OR2G6: variants seen among roughly 807,000 people sequenced by gnomAD.
OR2G6 encodes olfactory receptor 2G6.
For synonymous variants in OR2G6, 183 were observed against 155.2 expected, an observed-to-expected ratio of 1.18 and a Z score of -1.33; for missense variants, 457 against 391.3, an observed-to-expected ratio of 1.17 and a Z score of -1.42.
chr1:248,526,602 G>C lies in OR2G6; in HGVS notation c.*4005G>C, dbSNP rs1443968675. On this transcript the variant is annotated 3_prime_UTR_variant, in exon 2 of 2. Coordinates refer to ENST00000641804, the MANE Select transcript of OR2G6 (RefSeq NM_001013355.2). Reference sequence around the variant, plus strand: ...AGAAATTCCCTTTTGCTTTGGCAGAGAGAGGAGAAAATAAACATTTGAAAT... The same window carrying C: ...AGAAATTCCCTTTTGCTTTGGCAGACAGAGGAGAAAATAAACATTTGAAAT... 1 of 152,180 alleles carries C rather than the reference G, an allele frequency of 6.6e-6. No homozygotes were observed. Among genetic ancestry groups the C allele is most frequent in the Non-Finnish European group, 1.5e-5 (1 of 68,030 alleles). The allele number at this position is 152,180 out of a possible 1,614,324, so 9.4% of individuals were successfully genotyped here. A position where few individuals can be genotyped will look rare whatever the true frequency, so the allele number is the denominator to read the frequency against.
At position 248,522,434 on chromosome 1, in the gene OR2G6, C is replaced by A. The variant is rs1478130628; in HGVS notation, c.788C>A (p.Ala263Asp). ...ATCATATTCATGTACCTTCAACCGG[C>A]CAATAGGAGATCCAAAAACCAGGGA... is the stretch of plus-strand genomic sequence containing the variant. ...GTIIFMYLQP[A>D]NRRSKNQGKF... is the part of the protein sequence containing the mutation. The change falls in exon 2 of 2, where the codon GCC becomes GAC. Residue 263 changes from alanine (A) to aspartate (D), a missense_variant. Transcript: ENST00000641804. 5 of 1,614,094 alleles carry A rather than the reference C, an allele frequency of 3.1e-6. No homozygotes were observed. The South Asian group carries it at 4.4e-5, about 14-fold the overall frequency.
rs1436581889 is a variant in OR2G6, at chr1:248,525,053, A to G, written c.*2456A>G. 3 of 151,630 alleles carry G rather than the reference A, an allele frequency of 2.0e-5. No homozygotes were observed. The highest frequency in any genetic ancestry group is 4.1e-4 in the South Asian group (2 of 4,824). The allele number at this position is 151,630 out of a possible 1,614,324, so 9.4% of individuals were successfully genotyped here. A position where few individuals can be genotyped will look rare whatever the true frequency, so the allele number is the denominator to read the frequency against. ...ATAATCATCATACATGTATAATTTCATACTATTTTTATTTATAATGTGAGC... is the reference window on the plus strand; with the variant it reads ...ATAATCATCATACATGTATAATTTCGTACTATTTTTATTTATAATGTGAGC... On this transcript the variant is annotated 3_prime_UTR_variant, in exon 2 of 2. Coordinates refer to ENST00000641804, the MANE Select transcript of OR2G6 (RefSeq NM_001013355.2).
Position 248,522,640 on chromosome 1 carries a change from A to G in OR2G6, c.*43A>G, listed in dbSNP as rs547527519. The G allele has an allele frequency of 7.5e-7, 1 of 1,335,968 alleles. No homozygotes were observed. The highest frequency in any genetic ancestry group is 1.0e-6 in the Non-Finnish European group (1 of 970,796). The allele number at this position is 1,335,968 out of a possible 1,614,324, so 82.8% of individuals were successfully genotyped here. On this transcript the variant is annotated 3_prime_UTR_variant, in exon 2 of 2. Coordinates refer to ENST00000641804, the MANE Select transcript of OR2G6 (RefSeq NM_001013355.2). ...AAACAAGGGAAACACCTCAAGGCAG[A>G]GTGAGGGTTCATCCTCCCCAGACAT...
chr1:248,525,056 C>T lies in OR2G6; in HGVS notation c.*2459C>T, dbSNP rs866520932. ...ATCATCATACATGTATAATTTCATACTATTTTTATTTATAATGTGAGCATT... is the reference window on the plus strand; with the variant it reads ...ATCATCATACATGTATAATTTCATATTATTTTTATTTATAATGTGAGCATT... On this transcript the variant is annotated 3_prime_UTR_variant, in exon 2 of 2. Transcript: ENST00000641804. The T allele has an allele frequency of 6.6e-5, 10 of 151,436 alleles. No homozygotes were observed. The highest frequency in any genetic ancestry group is 3.9e-4 in the East Asian group (2 of 5,188). The allele number at this position is 151,436 out of a possible 1,614,324, so 9.4% of individuals were successfully genotyped here.
Position 248,525,079 on chromosome 1 carries a change from ATT to A in OR2G6, c.*2486_*2487del, listed in dbSNP as rs141910260. 6.6e-6 allele frequency: 1 copy of A among 152,072 alleles called. No individual in the cohort carries two copies. The highest frequency in any genetic ancestry group is 1.5e-5 in the Non-Finnish European group (1 of 68,018). The allele number at this position is 152,072 out of a possible 1,614,324, so 9.4% of individuals were successfully genotyped here. The stretch of plus-strand genomic sequence containing the variant: ...TACTATTTTTATTTATAATGTGAGC[ATT>A]TTTCTGATTAATCTAAAAAATATCC... On this transcript the variant is annotated 3_prime_UTR_variant, in exon 2 of 2. Transcript: ENST00000641804.
intron 1 of OR2G6, among the ~76,000 whole-genome samples, chr1:248,520,424 A>C (rs1051429867): frequency 6.6e-6 from 1 of 152,182 alleles, no homozygotes; most frequent in Non-Finnish European, 1.5e-5. Context: ...TAGTTTAAAA[A>C]AAAGTTTGCT....
rs553549283 is a variant in OR2G6, at chr1:248,522,785, G to T, written c.*188G>T. ...AGACATTCCTCTTGTCAATCCCAAA[G>T]CCACAGGGACTAGGAAGCATTGGAA... On this transcript the variant is annotated 3_prime_UTR_variant, in exon 2 of 2. Transcript: ENST00000641804. The T allele has an allele frequency of 6.3e-3, 3,545 of 559,368 alleles. 108 individuals carry two copies. The highest frequency in any genetic ancestry group is 0.059 in the African/African-American group (3,045 of 51,788). 34.7% of individuals were successfully genotyped at this position (559,368 alleles called of 1,614,324 possible). A position where few individuals can be genotyped will look rare whatever the true frequency, so the allele number is the denominator to read the frequency against.
rs1276082045 is a variant in OR2G6, at chr1:248,526,398, C to CA, written c.*3802dup. On this transcript the variant is annotated 3_prime_UTR_variant, in exon 2 of 2. Coordinates refer to ENST00000641804, the MANE Select transcript of OR2G6 (RefSeq NM_001013355.2). Reference sequence around the variant, plus strand: ...TCAATAAATGTCCTGGAACAGTAATCAGCAGCTGGGGCTGGTACCATAGGG... The same window carrying CA: ...TCAATAAATGTCCTGGAACAGTAATCAAGCAGCTGGGGCTGGTACCATAGGG... 2 of 152,178 alleles carry CA rather than the reference C, an allele frequency of 1.3e-5. No individual in the cohort carries two copies. The highest frequency in any genetic ancestry group is 6.5e-5 in the Admixed American group (1 of 15,276). 9.4% of individuals were successfully genotyped at this position (152,178 alleles called of 1,614,324 possible).
chr1:248,526,721 G>A lies in OR2G6; in HGVS notation c.*4124G>A, dbSNP rs1659131287. 1 of 152,088 alleles carries A rather than the reference G, an allele frequency of 6.6e-6. No individual in the cohort carries two copies. The highest frequency in any genetic ancestry group is 1.5e-5 in the Non-Finnish European group (1 of 68,032). The allele number at this position is 152,088 out of a possible 1,614,324, so 9.4% of individuals were successfully genotyped here. A position where few individuals can be genotyped will look rare whatever the true frequency, so the allele number is the denominator to read the frequency against. On this transcript the variant is annotated 3_prime_UTR_variant, in exon 2 of 2. Transcript: ENST00000641804. ...TGGTGTGAGATGATATCTCATTGTG[G>A]TTTTGATTTGCATTTCTCTGATGGC...
chr1:248,520,544 T>C (rs1314084735), intron 1 of OR2G6, among the ~76,000 whole-genome samples: 1 of 152,176 alleles, frequency 6.6e-6, no homozygotes, highest in Non-Finnish European at 1.5e-5. Context: ...CATTTGACAA[T>C]ATCACTTTGA....
chr1:248,520,334 A>G (rs1373619561), intron 1 of OR2G6, among the ~76,000 whole-genome samples: 1 of 152,114 alleles, frequency 6.6e-6, no homozygotes, highest in Non-Finnish European at 1.5e-5. Context: ...ATAGATGACA[A>G]TTTGATGGCT....
At position 248,523,235 on chromosome 1, in the gene OR2G6, CT is replaced by C. The variant is rs1323777182; in HGVS notation, c.*639del. On this transcript the variant is annotated 3_prime_UTR_variant, in exon 2 of 2. Transcript: ENST00000641804. ...TTTTCCCAGAATATGTCACTTTTAA[CT>C]GGAGAATGGAACCATCCCACTCTAT... is the stretch of plus-strand genomic sequence containing the variant. 3.3e-5 allele frequency: 5 copies of C among 152,148 alleles called. No individual in the cohort carries two copies. Among genetic ancestry groups the C allele is most frequent in the African/African-American group, 1.2e-4 (5 of 41,422 alleles). The allele number at this position is 152,148 out of a possible 1,614,324, so 9.4% of individuals were successfully genotyped here. A position where few individuals can be genotyped will look rare whatever the true frequency, so the allele number is the denominator to read the frequency against.
intron 1 of OR2G6, among the ~76,000 whole-genome samples, chr1:248,521,367 G>A (rs1572067362): frequency 6.6e-6 from 1 of 152,086 alleles, no homozygotes; most frequent in African/African-American, 2.4e-5. Flanking sequence ...AGCAAAGAGT[G>A]AATAAATACA....
Position 248,522,942 on chromosome 1 carries a change from T to C in OR2G6, c.*345T>C, listed in dbSNP as rs114288635. The C allele has an allele frequency of 6.7e-3, 1,484 of 221,708 alleles. 30 individuals are homozygous for C. Among genetic ancestry groups the C allele is most frequent in the African/African-American group, 0.032 (1,395 of 43,750 alleles). The allele number at this position is 221,708 out of a possible 1,614,324, so 13.7% of individuals were successfully genotyped here. A position where few individuals can be genotyped will look rare whatever the true frequency, so the allele number is the denominator to read the frequency against. On this transcript the variant is annotated 3_prime_UTR_variant, in exon 2 of 2. Transcript: ENST00000641804. ...TTCATCCACCTGCCATCAAGGTTCA[T>C]GTATCCATTATTTCCTTCTAATGTG...
In OR2G6 at chr1:248,525,057, TA is replaced by T. The variant is rs1261467964; in HGVS notation, c.*2461del. ...TCATCATACATGTATAATTTCATACTATTTTTATTTATAATGTGAGCATTTT... is the reference window on the plus strand; with the variant it reads ...TCATCATACATGTATAATTTCATACTTTTTTATTTATAATGTGAGCATTTT... On this transcript the variant is annotated 3_prime_UTR_variant, in exon 2 of 2. Transcript: ENST00000641804. The T allele has an allele frequency of 6.6e-6, 1 of 151,368 alleles. No individual in the cohort carries two copies. Among genetic ancestry groups the T allele is most frequent in the African/African-American group, 2.5e-5 (1 of 40,740 alleles). 9.4% of individuals were successfully genotyped at this position (151,368 alleles called of 1,614,324 possible). A position where few individuals can be genotyped will look rare whatever the true frequency, so the allele number is the denominator to read the frequency against.
In OR2G6 at chr1:248,524,063, A is replaced by T. The variant is rs1050552778; in HGVS notation, c.*1466A>T. 6.6e-6 allele frequency: 1 copy of T among 152,136 alleles called. No homozygotes were observed. Among genetic ancestry groups the T allele is most frequent in the Non-Finnish European group, 1.5e-5 (1 of 68,058 alleles). 9.4% of individuals were successfully genotyped at this position (152,136 alleles called of 1,614,324 possible). ...GATCCCTCTGCCTCAGCCTTCCAAC[A>T]TTCAGATTTATAATAATTCATCCTG... On this transcript the variant is annotated 3_prime_UTR_variant, in exon 2 of 2. Coordinates refer to ENST00000641804, the MANE Select transcript of OR2G6 (RefSeq NM_001013355.2).
chr1:248,523,878 T>C lies in OR2G6; in HGVS notation c.*1281T>C, dbSNP rs1264483403. On this transcript the variant is annotated 3_prime_UTR_variant, in exon 2 of 2. Coordinates refer to ENST00000641804, the MANE Select transcript of OR2G6 (RefSeq NM_001013355.2). ...CATGAAAAAAGCATGAAAACATCAA[T>C]GCAAATGAAGAGTAAAATGCAGGCA... The C allele has an allele frequency of 6.6e-6, 1 of 152,206 alleles. No homozygotes were observed. Among genetic ancestry groups the C allele is most frequent in the Non-Finnish European group, 1.5e-5 (1 of 68,036 alleles). The allele number at this position is 152,206 out of a possible 1,614,324, so 9.4% of individuals were successfully genotyped here.
Position 248,524,897 on chromosome 1 carries a change from CAT to C in OR2G6, c.*2302_*2303del, listed in dbSNP as rs1362394361. 1.3e-5 allele frequency: 2 copies of C among 151,850 alleles called. No individual in the cohort carries two copies. Among genetic ancestry groups the C allele is most frequent in the African/African-American group, 4.9e-5 (2 of 41,216 alleles). The allele number at this position is 151,850 out of a possible 1,614,324, so 9.4% of individuals were successfully genotyped here. A position where few individuals can be genotyped will look rare whatever the true frequency, so the allele number is the denominator to read the frequency against. The stretch of plus-strand genomic sequence containing the variant: ...GGAAACCAGAAAATAATAGATATAA[CAT>C]AGGCAAAGCAACCTAAAAAAACTAC... On this transcript the variant is annotated 3_prime_UTR_variant, in exon 2 of 2. Transcript: ENST00000641804.
intron 1 of OR2G6, among the ~76,000 whole-genome samples, chr1:248,520,004 G>C (rs1022765523): frequency 6.6e-5 from 10 of 152,042 alleles, no homozygotes; most frequent in Non-Finnish European, 1.5e-4. Context: ...ATTCACAACA[G>C]CAAAGACTTG....
Sources: gnomAD v4.1 joint callset for allele counts (sites outside exome capture counted in the v4.1 genomes callset) on GRCh38, gnomAD v4.1.1 for gene constraint, MANE v1.5 for transcripts, NCBI Gene and HGNC (gene_info 2026-07-23, HGNC 2026-07-21) for gene names.